Variants in C7orf25 observed in about 807,000 individuals in gnomAD.
The protein encoded by C7orf25 is chromosome 7 open reading frame 25.
Under a neutral mutation model 25.5 loss-of-function variants are expected in C7orf25, and 14 were observed. The observed-to-expected ratio is 0.55, with a 90% CI of 0.36 to 0.86. The LOEUF (loss-of-function observed/expected upper bound fraction) is 0.86, where lower values mean the gene tolerates loss of function less well. Ranked by LOEUF, C7orf25 falls within the 40% of genes least tolerant of loss-of-function variation. C7orf25 has a pLI of 0.01. For missense variants in C7orf25, 405 were observed against 493.9 expected, an observed-to-expected ratio of 0.82 and a Z score of 1.71; for synonymous variants, 184 against 179.9, an observed-to-expected ratio of 1.02 and a Z score of -0.18.
At chr7:42,911,399 TC>T (rs1785891363) in intron 1 of C7orf25, 17 of 1,023,486 alleles carry the variant, frequency 1.7e-5, no homozygotes, top group Non-Finnish European at 1.9e-5. Context: ...CCTAACCTTT[TC>T]CTCCTTCCCG....
Position 42,910,696 on chromosome 7 carries a change from G to C in C7orf25, c.205C>G (p.Leu69Val). 1 of 1,614,146 alleles carries C rather than the reference G, an allele frequency of 6.2e-7. No homozygotes were observed. Among genetic ancestry groups the C allele is most frequent in the Non-Finnish European group, 8.5e-7 (1 of 1,180,032 alleles). The part of the protein sequence containing the change: ...IKESHLQSTN[L>V]THLRAIVESA... ...TCCACAATGGCTCTCAGGTGTGTTA[G>C]GTTAGTGCTCTGTAAATGAGACTCT... Residue 69 changes from leucine (L) to valine (V), a missense_variant, in exon 2 of 2, where the codon CTA becomes GTA. Coordinates refer to ENST00000350427, the MANE Select transcript of C7orf25 (RefSeq NM_001099858.2).
rs929912994 is a variant in C7orf25, at chr7:42,909,995, A to C, written c.906T>G (p.Phe302Leu). ...AGTCCTTGACAGCAGATTCACAAGCAAACAACTCCTTGTCCTTCATAAAGG... is the reference window on the plus strand; with the variant it reads ...AGTCCTTGACAGCAGATTCACAAGCCAACAACTCCTTGTCCTTCATAAAGG... ...LEAFMKDKEL[F>L]ACESAVKDFQ... The change falls in exon 2 of 2, where the codon TTT becomes TTG. Residue 302 changes from phenylalanine (F) to leucine (L), a missense_variant. Phe to Leu is a conservative substitution (Grantham distance 22). Transcript: ENST00000350427. 3 of 1,614,080 alleles carry C rather than the reference A, an allele frequency of 1.9e-6. No individual in the cohort carries two copies. Among genetic ancestry groups the C allele is most frequent in the Non-Finnish European group, 2.5e-6 (3 of 1,180,062 alleles).
rs1282259080 is a variant in C7orf25 at position 42,909,775 on chromosome 7, T to C, written c.1126A>G (p.Asn376Asp). The C allele has an allele frequency of 2.5e-6, 4 of 1,614,216 alleles. No individual in the cohort carries two copies. In the African/African-American group the frequency reaches 4.0e-5, roughly 16 times the overall value. ...DTLKAITMTA[N>D]SGFVRAANNQ... Reference sequence around the variant, plus strand: ...TTTGCAGCTCTGACAAAACCACTATTAGCAGTCATTGTGATGGCTTTTAGG... The same window carrying C: ...TTTGCAGCTCTGACAAAACCACTATCAGCAGTCATTGTGATGGCTTTTAGG... The change falls in exon 2 of 2, where the codon AAT (asparagine) becomes GAT (aspartate). Residue 376 changes from asparagine to aspartate, a missense_variant. Coordinates refer to ENST00000350427, the MANE Select transcript of C7orf25 (RefSeq NM_001099858.2).
At chr7:42,911,785 G>C in intron 1 of C7orf25, 130 bp downstream of exon 1, 1 of 1,244,542 alleles carries the variant, frequency 8.0e-7, no homozygotes. Flanking sequence ...CCAGCGCCGC[G>C]GCTCAGGGAC....
In C7orf25 at chr7:42,909,540, T is replaced by G; in HGVS notation, c.*95A>C. The stretch of plus-strand genomic sequence containing the variant: ...CTGGTTTAAGAGTTCTCAGTTTTAC[T>G]TTTACTATAGACCTTTTTTCCCACC... On this transcript the variant is annotated 3_prime_UTR_variant, in exon 2 of 2. Coordinates refer to ENST00000350427, the MANE Select transcript of C7orf25 (RefSeq NM_001099858.2). 1 of 1,357,874 alleles carries G rather than the reference T, an allele frequency of 7.4e-7. No homozygotes were observed. The highest frequency in any genetic ancestry group is 1.0e-6 in the Non-Finnish European group (1 of 999,514). The allele number at this position is 1,357,874 out of a possible 1,614,324, so 84.1% of individuals were successfully genotyped here.
At chr7:42,910,944 C>T (rs1341143688) in intron 1 of C7orf25, 23 bp from the exon 2 acceptor site, 2 of 1,607,224 alleles carry the variant, frequency 1.2e-6, no homozygotes, top group African/African-American at 1.3e-5. Context: ...ACAAGGCAAA[C>T]TTCAGTAGTC....
At position 42,909,428 on chromosome 7, in the gene C7orf25, GCAGA is replaced by G. The variant is rs1785826937; in HGVS notation, c.*203_*206del. 5.4e-6 allele frequency: 3 copies of G among 558,298 alleles called. No homozygotes were observed. In the African/African-American group the frequency reaches 5.7e-5, roughly 11 times the overall value. 34.6% of individuals were successfully genotyped at this position (558,298 alleles called of 1,614,324 possible). A position where few individuals can be genotyped will look rare whatever the true frequency, so the allele number is the denominator to read the frequency against. ...TATTTCGGTTCTTAATTGCACTAAT[GCAGA>G]CAGTTTGATAGATAAGCTTCTCTCT... On this transcript the variant is annotated 3_prime_UTR_variant, in exon 2 of 2. Coordinates refer to ENST00000350427, the MANE Select transcript of C7orf25 (RefSeq NM_001099858.2).
In C7orf25 at chr7:42,909,906, T is replaced by A. The variant is rs372487645; in HGVS notation, c.995A>T (p.Lys332Met). ...GERERATVLI[K>M]RINVVPDQPS... ...CTGGTCTGGTACCACATTAATTCGCTTAATTAACACAGTGGCCCTCTCTCT... is the reference window on the plus strand; with the variant it reads ...CTGGTCTGGTACCACATTAATTCGCATAATTAACACAGTGGCCCTCTCTCT... The change falls in exon 2 of 2, where the codon AAG (lysine) becomes ATG (methionine). Residue 332 changes from lysine (K) to methionine (M), a missense_variant. By Grantham distance (95) the Lys-to-Met change is moderately conservative. Transcript: ENST00000350427. 1 of 1,614,074 alleles carries A rather than the reference T, an allele frequency of 6.2e-7. No individual in the cohort carries two copies. The highest frequency in any genetic ancestry group is 8.5e-7 in the Non-Finnish European group (1 of 1,180,046).
At position 42,909,923 on chromosome 7, in the gene C7orf25, C is replaced by CCT. The variant is rs1202335295; in HGVS notation, c.976_977dup (p.Ala327GlyfsTer5). ...TAATTCGCTTAATTAACACAGTGGC[C>CCT]CTCTCTCTCTCCCCAGGTCCTCCTA... On this transcript the variant is annotated frameshift_variant, in exon 2 of 2. Transcript: ENST00000350427. LOFTEE classifies it high-confidence loss of function. 6.2e-7 allele frequency: 1 copy of CCT among 1,613,968 alleles called. No individual in the cohort carries two copies. The highest frequency in any genetic ancestry group is 8.5e-7 in the Non-Finnish European group (1 of 1,180,004).
At position 42,910,543 on chromosome 7, in the gene C7orf25, T is replaced by C; in HGVS notation, c.358A>G (p.Ile120Val). 1 of 1,614,252 alleles carries C rather than the reference T, an allele frequency of 6.2e-7. No homozygotes were observed. The highest frequency in any genetic ancestry group is 8.5e-7 in the Non-Finnish European group (1 of 1,180,052). The stretch of plus-strand genomic sequence containing the variant: ...TGAAGAGCTTCAGCCTTCCGGCCAA[T>C]GGCTTTCACCCAAGTATGACCACCA... ...ANGGHTWVKA[I>V]GRKAEALHNI... The change falls in exon 2 of 2, where the codon ATT (isoleucine) becomes GTT (valine). Residue 120 changes from isoleucine (I) to valine (V), a missense_variant. By Grantham distance (29) the Ile-to-Val change is conservative (BLOSUM62 3). Coordinates refer to ENST00000350427, the MANE Select transcript of C7orf25 (RefSeq NM_001099858.2).
Position 42,910,746 on chromosome 7 carries a change from A to C in C7orf25, c.155T>G (p.Val52Gly), listed in dbSNP as rs1785872225. 2.5e-6 allele frequency: 4 copies of C among 1,614,178 alleles called. No homozygotes were observed. The highest frequency in any genetic ancestry group is 3.4e-6 in the Non-Finnish European group (4 of 1,180,046). Residue 52 changes from valine to glycine, a missense_variant, in exon 2 of 2, where the codon GTA becomes GGA. Transcript: ENST00000350427. ...LKAELKFLQK[V>G]EAGKVAIKES... ...TTTAATAGCTACTTTCCCAGCTTCT[A>C]CTTTCTGCAAGAATTTTAATTCTGC...
Position 42,909,857 on chromosome 7 carries a change from T to C in C7orf25, c.1044A>G (p.Leu348=), listed in dbSNP as rs1785841336. 1 of 1,614,096 alleles carries C rather than the reference T, an allele frequency of 6.2e-7. No homozygotes were observed. Residue 348 remains leucine, a synonymous_variant, in exon 2 of 2, where the codon CTA becomes CTG. Coordinates refer to ENST00000350427, the MANE Select transcript of C7orf25 (RefSeq NM_001099858.2). ...GGCTATTAATTTTTGAACTGGCCAC[T>C]AGTCTCAAGGCACGCTCAGAAGGCT... ...PDQPSERALR[L]VASSKINSRS...
chr7:42,911,470 C>CA lies in C7orf25; in HGVS notation c.-22+444dup, dbSNP rs1313080523. ...CCCCCGAGGCTTGGGGTACTTACGCCAAAAAAAATCAACACTGCCTCATTT... is the reference window on the plus strand; with the variant it reads ...CCCCCGAGGCTTGGGGTACTTACGCCAAAAAAAAATCAACACTGCCTCATTT... On this transcript the variant is annotated intron_variant, in intron 1 of 1. Coordinates refer to ENST00000350427, the MANE Select transcript of C7orf25 (RefSeq NM_001099858.2). 2.5e-5 allele frequency: 25 copies of CA among 1,001,292 alleles called. No individual in the cohort carries two copies. In the Admixed American group the frequency reaches 5.5e-4, roughly 22 times the overall value. The allele number at this position is 1,001,292 out of a possible 1,614,324, so 62.0% of individuals were successfully genotyped here.
Position 42,909,344 on chromosome 7 carries a change from G to A in C7orf25, c.*291C>T, listed in dbSNP as rs540573816. The A allele has an allele frequency of 3.3e-6, 1 of 299,754 alleles. No homozygotes were observed. Among genetic ancestry groups the A allele is most frequent in the African/African-American group, 2.2e-5 (1 of 46,328 alleles). The allele number at this position is 299,754 out of a possible 1,614,324, so 18.6% of individuals were successfully genotyped here. A position where few individuals can be genotyped will look rare whatever the true frequency, so the allele number is the denominator to read the frequency against. On this transcript the variant is annotated 3_prime_UTR_variant, in exon 2 of 2. Coordinates refer to ENST00000350427, the MANE Select transcript of C7orf25 (RefSeq NM_001099858.2). Reference sequence around the variant, plus strand: ...TCCATGAAATGTGGTTAGCAGTAGGGGAGTTGTAGCCCTATCGAATCAAAG... The same window carrying A: ...TCCATGAAATGTGGTTAGCAGTAGGAGAGTTGTAGCCCTATCGAATCAAAG...
Position 42,910,234 on chromosome 7 carries a change from T to A in C7orf25, c.667A>T (p.Thr223Ser). 1.2e-6 allele frequency: 2 copies of A among 1,614,210 alleles called. No individual in the cohort carries two copies. Among genetic ancestry groups the A allele is most frequent in the Non-Finnish European group, 1.7e-6 (2 of 1,180,038 alleles). ...DDEGPELLQV[T>S]RVDRENILAS... ...AGTATATTTTCTCGGTCAACTCTGG[T>A]CACCTGCAAAAGTTCAGGGCCCTCA... Residue 223 changes from threonine (T) to serine (S), a missense_variant, in exon 2 of 2, where the codon ACC becomes TCC. Physicochemically the swap from Thr to Ser is moderately conservative, Grantham distance 58. Transcript: ENST00000350427.
chr7:42,911,296 G>T, intron 1 of C7orf25: 2 of 962,762 alleles, frequency 2.1e-6, no homozygotes, highest in Non-Finnish European at 2.7e-6. Flanking sequence ...TAATAAAGGC[G>T]ACAAAAATGC....
chr7:42,911,536 G>A (rs912746670), intron 1 of C7orf25: 5 of 1,000,822 alleles, frequency 5.0e-6, no homozygotes, highest in East Asian at 2.1e-4. Flanking sequence ...AAAGACCGAA[G>A]AAGACCACCA....
chr7:42,911,702 G>A (rs1785905510), intron 1 of C7orf25: 2 of 1,168,882 alleles, frequency 1.7e-6, no homozygotes, highest in East Asian at 7.8e-5. Context: ...GGGCTGCGGG[G>A]CCCTCGGCCC....
chr7:42,909,592 G>C lies in C7orf25; in HGVS notation c.*43C>G. On this transcript the variant is annotated 3_prime_UTR_variant, in exon 2 of 2. Coordinates refer to ENST00000350427, the MANE Select transcript of C7orf25 (RefSeq NM_001099858.2). ...GTTTAGATGGGAAGACCCAGCCTTT[G>C]GTATAAATAACTTACTTCCACAAAA... 6.4e-7 allele frequency: 1 copy of C among 1,557,206 alleles called. No individual in the cohort carries two copies. Among genetic ancestry groups the C allele is most frequent in the South Asian group, 1.2e-5 (1 of 80,384 alleles).
Sources: allele counts gnomAD v4.1 joint callset, GRCh38; gene constraint gnomAD v4.1.1; transcripts MANE v1.5; gene names NCBI Gene and HGNC (gene_info 2026-07-23, HGNC 2026-07-21).